The following RIGI variants were observed in gnomAD, a reference collection of about 807,000 sequenced individuals.
The protein encoded by RIGI is antiviral innate immune response receptor RIG-I.
chr9:32,498,898 G>C, the RIGI span, among the ~76,000 whole-genome samples: 1 of 148,262 alleles, frequency 6.7e-6, no homozygotes, highest in South Asian at 2.1e-4. Flanking sequence ...CATGAAAATA[G>C]CTCGAACCCG....
At chr9:32,517,900 CT>C in the RIGI span, among the ~76,000 whole-genome samples, 1 of 152,124 alleles carries the variant, frequency 6.6e-6, no homozygotes, top group African/African-American at 2.4e-5. Flanking sequence ...TGTAAATGAA[CT>C]TTTGGCATAA....
At chr9:32,475,624 A>C in the RIGI span, among the ~76,000 whole-genome samples, 129 of 152,260 alleles carry the variant, frequency 8.5e-4, 1 homozygote, top group Non-Finnish European at 1.7e-3. Flanking sequence ...AAAAAAAAAG[A>C]AAGCATCTCA....
the RIGI span, among the ~76,000 whole-genome samples, chr9:32,483,603 G>A: frequency 6.6e-6 from 1 of 151,954 alleles, no homozygotes; most frequent in Admixed American, 6.5e-5. Flanking sequence ...CTCTTGCCTT[G>A]TTCCCTCTAA....
At chr9:32,480,167 T>G in the RIGI span, 1 of 1,561,466 alleles carries the variant, frequency 6.4e-7, no homozygotes. Flanking sequence ...GTTTTGCCAT[T>G]CCAGTCACCA....
the RIGI span, among the ~76,000 whole-genome samples, chr9:32,474,430 G>C: frequency 2.0e-5 from 3 of 152,124 alleles, no homozygotes; most frequent in African/African-American, 7.2e-5. Context: ...TGAGTGTGAA[G>C]GGGACTTACT....
the RIGI span, among the ~76,000 whole-genome samples, chr9:32,523,350 C>T: frequency 6.6e-6 from 1 of 152,204 alleles, no homozygotes; most frequent in African/African-American, 2.4e-5. Flanking sequence ...AACTCCACAC[C>T]TGTGCAGCCA....
At chr9:32,487,777 C>T in the RIGI span, 3 of 1,233,700 alleles carry the variant, frequency 2.4e-6, no homozygotes, top group East Asian at 2.4e-5. Context: ...GCACATAATG[C>T]ATATTTACTA....
At chr9:32,521,139 C>CAAAAAAAATAAAAA in the RIGI span, among the ~76,000 whole-genome samples, 1 of 32,776 alleles carries the variant, frequency 3.1e-5, no homozygotes, top group Non-Finnish European at 5.6e-5. Flanking sequence ...GACACCATCT[C>CAAAAAAAATAAAAA]AAAAAAAAAA....
the RIGI span, among the ~76,000 whole-genome samples, chr9:32,482,291 C>G: frequency 6.6e-6 from 1 of 151,836 alleles, no homozygotes; most frequent in South Asian, 2.1e-4. Flanking sequence ...TTTTCACAAC[C>G]CATGAGATAC....
the RIGI span, among the ~76,000 whole-genome samples, chr9:32,479,805 T>C: frequency 6.7e-6 from 1 of 149,876 alleles, no homozygotes. Context: ...CCACTGCACT[T>C]GACCCTGGGC....
chr9:32,492,004 C>A, the RIGI span, among the ~76,000 whole-genome samples: 1 of 152,286 alleles, frequency 6.6e-6, no homozygotes, highest in East Asian at 1.9e-4. Flanking sequence ...AGTAAGAGAA[C>A]CAGGCAATGT....
the RIGI span, among the ~76,000 whole-genome samples, chr9:32,506,566 T>G: frequency 6.6e-6 from 1 of 152,244 alleles, no homozygotes; most frequent in African/African-American, 2.4e-5. Context: ...TAAATTGGAT[T>G]TGTAAGAATC....
the RIGI span, among the ~76,000 whole-genome samples, chr9:32,519,807 A>G: frequency 1.3e-5 from 2 of 152,226 alleles, no homozygotes; most frequent in Non-Finnish European, 2.9e-5. Flanking sequence ...CATAAAAAAA[A>G]TTATAAGACT....
chr9:32,455,778 T>G, the RIGI span: 4 of 152,230 alleles, frequency 2.6e-5, no homozygotes, highest in Admixed American at 6.5e-5. Flanking sequence ...AAGCAACTAC[T>G]GTGTCATGTA....
the RIGI span, among the ~76,000 whole-genome samples, chr9:32,480,544 A>C: frequency 6.6e-6 from 1 of 152,222 alleles, no homozygotes; most frequent in Non-Finnish European, 1.5e-5. Flanking sequence ...AAATACTGTT[A>C]AAAGAAAACT....
At chr9:32,509,349 G>A in the RIGI span, among the ~76,000 whole-genome samples, 1 of 152,210 alleles carries the variant, frequency 6.6e-6, no homozygotes, top group Non-Finnish European at 1.5e-5. Flanking sequence ...ATACAGGAGA[G>A]CTCCAGCTGG....
chr9:32,500,569 C>A, the RIGI span, among the ~76,000 whole-genome samples: 1 of 152,082 alleles, frequency 6.6e-6, no homozygotes, highest in Non-Finnish European at 1.5e-5. Context: ...GGTCTTATAT[C>A]CAAATAATCT....
At chr9:32,485,527 GCTT>G in the RIGI span, 3 of 464,718 alleles carry the variant, frequency 6.5e-6, no homozygotes, top group Admixed American at 3.0e-5. Context: ...GGTCTAACTA[GCTT>G]CTTTTTTTTT....
At chr9:32,498,050 C>CTT in the RIGI span, among the ~76,000 whole-genome samples, 2 of 152,202 alleles carry the variant, frequency 1.3e-5, no homozygotes, top group African/African-American at 4.8e-5. Flanking sequence ...TTTGGAAAGA[C>CTT]TTGCTCCATT....
Sources: gnomAD v4.1 joint callset for allele counts (sites outside exome capture counted in the v4.1 genomes callset) on GRCh38, gnomAD v4.1.1 for gene constraint, MANE v1.5 for transcripts, NCBI Gene and HGNC (gene_info 2026-07-23, HGNC 2026-07-21) for gene names.